NPFFR2: variants seen among roughly 807,000 people sequenced by gnomAD.
The protein encoded by NPFFR2 is G-protein coupled receptor 74.
Under a neutral mutation model 13.1 loss-of-function variants are expected in NPFFR2, and 15 were observed. The observed-to-expected ratio is 1.15, with a 90% CI of 0.77 to 1.76. NPFFR2 has a LOEUF of 1.76. Among genes scored for constraint, NPFFR2 ranks in the 40% most tolerant of loss-of-function variants. The probability of loss-of-function intolerance (pLI) is 0.00; values close to 1 mark genes in which losing one functional copy is unlikely to be tolerated. For synonymous variants in NPFFR2, 190 were observed against 175.7 expected (o/e 1.08, Z -0.65); for missense variants, 572 against 503.5 (o/e 1.14, Z -1.30).
intron 1 of NPFFR2, among the ~76,000 whole-genome samples, chr4:72,035,731 A>T (rs1007293020): frequency 3.9e-5 from 6 of 152,202 alleles, no homozygotes; most frequent in African/African-American, 1.4e-4. Context: ...ATAACTCCTG[A>T]AATGCCAAAA....
intron 1 of NPFFR2, among the ~76,000 whole-genome samples, chr4:72,085,318 A>G (rs1720735332): frequency 6.6e-6 from 1 of 152,166 alleles, no homozygotes; most frequent in African/African-American, 2.4e-5. Context: ...AAATCTGAGC[A>G]ATCTTCAGCT....
intron 1 of NPFFR2, among the ~76,000 whole-genome samples, chr4:72,043,320 G>C (rs7676432): frequency 0.96 from 146,897 of 152,298 alleles, 71,075 homozygotes; most frequent in East Asian, 1. Flanking sequence ...GGAGCCCTGA[G>C]AGAGTCCTCA....
At chr4:72,033,786 T>C (rs1471078691) in intron 1 of NPFFR2, among the ~76,000 whole-genome samples, 2 of 152,242 alleles carry the variant, frequency 1.3e-5, no homozygotes, top group African/African-American at 2.4e-5. Context: ...TGCTCACCAA[T>C]ACTCTCTTTT....
At chr4:72,116,781 A>T (rs1019472785) in intron 1 of NPFFR2, among the ~76,000 whole-genome samples, 11 of 152,156 alleles carry the variant, frequency 7.2e-5, no homozygotes, top group African/African-American at 2.4e-4. Context: ...ATTTTATATT[A>T]TACTGTCACT....
At chr4:72,091,252 T>C (rs900717622) in intron 1 of NPFFR2, among the ~76,000 whole-genome samples, 6 of 152,122 alleles carry the variant, frequency 3.9e-5, no homozygotes, top group African/African-American at 1.4e-4. Context: ...TCGTTGAGGA[T>C]TTTTGCATGT....
At chr4:72,051,774 A>G (rs1454179603) in intron 1 of NPFFR2, among the ~76,000 whole-genome samples, 1 of 152,076 alleles carries the variant, frequency 6.6e-6, no homozygotes, top group African/African-American at 2.4e-5. Context: ...AAAAAGAGAG[A>G]AGAATCAAAT....
intron 1 of NPFFR2, among the ~76,000 whole-genome samples, chr4:72,080,129 T>C (rs1189368855): frequency 6.7e-6 from 1 of 149,184 alleles, no homozygotes; most frequent in Non-Finnish European, 1.5e-5. Flanking sequence ...GAAATATAAA[T>C]ACCTGTTTTT....
intron 1 of NPFFR2, among the ~76,000 whole-genome samples, chr4:72,110,380 T>C (rs1721532482): frequency 6.6e-6 from 1 of 152,014 alleles, no homozygotes; most frequent in African/African-American, 2.4e-5. Context: ...GTCTCAAATA[T>C]GTCTTTATTA....
At chr4:72,132,879 T>C (rs1722296518) in intron 2 of NPFFR2, among the ~76,000 whole-genome samples, 1 of 152,232 alleles carries the variant, frequency 6.6e-6, no homozygotes, top group Admixed American at 6.5e-5. Context: ...AAGTTCCTTT[T>C]AGATGCTGGA....
chr4:72,142,375 C>G (rs1188939971), intron 3 of NPFFR2, among the ~76,000 whole-genome samples: 1 of 152,300 alleles, frequency 6.6e-6, no homozygotes, highest in Non-Finnish European at 1.5e-5. Flanking sequence ...TCCCCAACCC[C>G]TTTTGCTTCC....
chr4:72,119,815 C>T (rs771602425), intron 1 of NPFFR2, among the ~76,000 whole-genome samples: 4 of 152,194 alleles, frequency 2.6e-5, no homozygotes, highest in African/African-American at 4.8e-5. Flanking sequence ...GTGCCTATGC[C>T]ACTAGGGCCC....
chr4:72,107,105 C>T lies in NPFFR2; in HGVS notation c.-7-21480C>T, dbSNP rs149233476. On this transcript the variant is annotated intron_variant, in intron 1 of 3. Coordinates refer to ENST00000308744, the MANE Select transcript of NPFFR2 (RefSeq NM_004885.3). ...TTTTATTCCTGTTCCTGCCTCATCA[C>T]TTATAGCTGTTTATTTCTCTCTGCC... Among the ~76,000 whole-genome samples the T allele has an allele frequency of 4.5e-3, 690 of 151,780 alleles. 3 individuals are homozygous for T. Among genetic ancestry groups the T allele is most frequent in the African/African-American group, 0.016 (661 of 41,390 alleles).
At chr4:72,129,004 T>C (rs1722156620) in intron 2 of NPFFR2, 85 bp downstream of exon 2, 1 of 1,043,450 alleles carries the variant, frequency 9.6e-7, no homozygotes, top group African/African-American at 1.6e-5. Context: ...GTTCATTCAT[T>C]CATTTATTTA....
intron 3 of NPFFR2, among the ~76,000 whole-genome samples, chr4:72,141,458 T>G (rs1474597861): frequency 6.6e-6 from 1 of 152,226 alleles, no homozygotes; most frequent in African/African-American, 2.4e-5. Flanking sequence ...TGGTATGTTG[T>G]GTCTTTGTCC....
intron 2 of NPFFR2, among the ~76,000 whole-genome samples, chr4:72,130,825 G>T (rs1335901526): frequency 1.3e-5 from 2 of 152,202 alleles, no homozygotes; most frequent in Admixed American, 6.5e-5. Flanking sequence ...GAGGGTCAGG[G>T]TGACAGCATT....
At chr4:72,136,198 A>T (rs949705597) in intron 2 of NPFFR2, among the ~76,000 whole-genome samples, 14 of 151,930 alleles carry the variant, frequency 9.2e-5, no homozygotes, top group Non-Finnish European at 1.9e-4. Context: ...TCTACTAAAA[A>T]TTTTTTTTAA....
chr4:72,054,077 T>A (rs1467505670), intron 1 of NPFFR2, among the ~76,000 whole-genome samples: 1 of 151,948 alleles, frequency 6.6e-6, no homozygotes, highest in East Asian at 1.9e-4. Context: ...ACACTATTGA[T>A]CTCCATTCAA....
Position 72,141,787 on chromosome 4 carries a change from G to A in NPFFR2, c.428+3648G>A, listed in dbSNP as rs182172829. Among the ~76,000 whole-genome samples, 31 of 152,220 alleles carry A rather than the reference G, an allele frequency of 2.0e-4. 1 individual carries two copies. Among genetic ancestry groups the A allele is most frequent in the Admixed American group, 1.9e-3 (29 of 15,274 alleles). ...GGCATCTATTAGGTCCACTTGTTGC[G>A]AGCTGAGTTCAAGTCCTGGATATCA... On this transcript the variant is annotated intron_variant, in intron 3 of 3. Transcript: ENST00000308744.
chr4:72,123,077 C>T (rs1410816180), intron 1 of NPFFR2, among the ~76,000 whole-genome samples: 1 of 152,032 alleles, frequency 6.6e-6, no homozygotes, highest in Non-Finnish European at 1.5e-5. Context: ...GGGATATCAT[C>T]ACTGATTATC....
Sources: gnomAD v4.1 joint callset for allele counts (sites outside exome capture counted in the v4.1 genomes callset) on GRCh38, gnomAD v4.1.1 for gene constraint, MANE v1.5 for transcripts, NCBI Gene and HGNC (gene_info 2026-07-23, HGNC 2026-07-21) for gene names.